Variants in ZNF565 observed in about 807,000 individuals in gnomAD.
ZNF565 encodes the protein zinc finger protein 565.
ZNF565 carries 27 observed loss-of-function variants against 39.4 expected under a neutral mutation model. That is an observed-to-expected ratio of 0.69 (90% CI 0.51 to 0.95). The LOEUF is 0.95. Among genes scored for constraint, ZNF565 ranks in the 40% least tolerant of loss-of-function variants. The probability of loss-of-function intolerance (pLI) is 0.00; values close to 1 mark genes in which losing one functional copy is unlikely to be tolerated. For missense variants in ZNF565, 524 were observed against 621.1 expected (o/e 0.84, Z 1.66); for synonymous variants, 185 against 216.6 (o/e 0.85, Z 1.28).
intron 1 of ZNF565, chr19:36,238,791 T>G (rs1345965571): frequency 6.0e-6 from 1 of 166,910 alleles, no homozygotes. Flanking sequence ...TTAATTATTT[T>G]AACATGGCAT....
chr19:36,183,741 A>G lies in ZNF565; in HGVS notation c.233-8T>C. Reference sequence around the variant, plus strand: ...CACACCTGGACTCCAAGTCTGAAAAATAAGAAAAAGATAAATACAAGCTGT... The same window carrying G: ...CACACCTGGACTCCAAGTCTGAAAAGTAAGAAAAAGATAAATACAAGCTGT... On this transcript the variant is annotated splice_region_variant and splice_polypyrimidine_tract_variant and intron_variant, in intron 4 of 4. Transcript: ENST00000304116. 1.3e-6 allele frequency: 2 copies of G among 1,596,504 alleles called. No homozygotes were observed. The highest frequency in any genetic ancestry group is 1.8e-5 in the Admixed American group (1 of 55,284).
chr19:36,189,504 T>C (rs1599916587), intron 4 of ZNF565, among the ~76,000 whole-genome samples: 3 of 151,112 alleles, frequency 2.0e-5, no homozygotes, highest in East Asian at 2.0e-4. Flanking sequence ...GTACTTTTCA[T>C]AGAGATGGGG....
chr19:36,189,669 A>G (rs1975454581), intron 4 of ZNF565, among the ~76,000 whole-genome samples: 1 of 152,116 alleles, frequency 6.6e-6, no homozygotes, highest in African/African-American at 2.4e-5. Context: ...TCTAATAAAT[A>G]AAAGATTATT....
intron 2 of ZNF565, among the ~76,000 whole-genome samples, chr19:36,195,389 C>T (rs1361895512): frequency 5.3e-5 from 8 of 151,890 alleles, no homozygotes; most frequent in Non-Finnish European, 1.2e-4. Context: ...TAATACTTCA[C>T]CCACAGATAC....
chr19:36,237,431 A>C, intron 1 of ZNF565: 1 of 1,358,312 alleles, frequency 7.4e-7, no homozygotes, highest in East Asian at 2.5e-5. Context: ...GTTAACTTTA[A>C]CAAGTACTAA....
At chr19:36,202,409 A>AAC (rs1801777810) in intron 1 of ZNF565, among the ~76,000 whole-genome samples, 1 of 150,794 alleles carries the variant, frequency 6.6e-6, no homozygotes, top group African/African-American at 2.4e-5. Context: ...ACAACAACAA[A>AAC]AAAAAACTGC....
chr19:36,188,721 A>C (rs980493459), intron 4 of ZNF565, among the ~76,000 whole-genome samples: 4 of 151,916 alleles, frequency 2.6e-5, no homozygotes, highest in Non-Finnish European at 4.4e-5. Flanking sequence ...CAAAAAAAAA[A>C]AAAAACAAAA....
chr19:36,191,027 T>C (rs1485700400), intron 4 of ZNF565, among the ~76,000 whole-genome samples: 1 of 149,556 alleles, frequency 6.7e-6, no homozygotes, highest in Non-Finnish European at 1.5e-5. Context: ...AAAACAAACT[T>C]TTTCTGTGAA....
At chr19:36,223,536 C>T (rs944093181) in intron 1 of ZNF565, among the ~76,000 whole-genome samples, 7 of 151,700 alleles carry the variant, frequency 4.6e-5, no homozygotes, top group African/African-American at 1.2e-4. Flanking sequence ...TTAATTTTTT[C>T]GTATTTTTAG....
intron 1 of ZNF565, among the ~76,000 whole-genome samples, chr19:36,220,306 ACTTTAAATGGTATAGT>A: frequency 1.4e-5 from 2 of 146,504 alleles, no homozygotes; most frequent in Non-Finnish European, 1.5e-5. Context: ...TTTCTAATTC[ACTTTAAATGGTATAGT>A]ATTTTTACCT....
intron 4 of ZNF565, among the ~76,000 whole-genome samples, chr19:36,193,606 A>G (rs532339132): frequency 9.3e-5 from 14 of 150,812 alleles, no homozygotes; most frequent in Non-Finnish European, 1.9e-4. Context: ...ACACCCGGCT[A>G]ATTTTTTTGT....
intron 1 of ZNF565, chr19:36,236,739 T>C (rs1159660983): frequency 6.2e-7 from 1 of 1,613,908 alleles, no homozygotes; most frequent in East Asian, 2.2e-5. Flanking sequence ...GAAAAACCTT[T>C]TGAGTGTAAA....
chr19:36,201,493 TAGAC>T (rs963630533), intron 2 of ZNF565, among the ~76,000 whole-genome samples: 5 of 149,956 alleles, frequency 3.3e-5, no homozygotes, highest in Non-Finnish European at 6.0e-5. Flanking sequence ...TTTATTTATT[TAGAC>T]AGAGTCTCGC....
At chr19:36,195,253 C>G in intron 2 of ZNF565, 97 bp from the exon 3 acceptor site, 7 of 1,432,134 alleles carry the variant, frequency 4.9e-6, no homozygotes, top group Non-Finnish European at 6.7e-6. Context: ...GAATAGTTGA[C>G]AGTAATGGCC....
At chr19:36,194,168 T>C in intron 4 of ZNF565, 65 bp downstream of exon 4, 1 of 1,380,358 alleles carries the variant, frequency 7.2e-7, no homozygotes, top group Non-Finnish European at 1.0e-6. Flanking sequence ...CCACAGTAAC[T>C]CAAGTTACTC....
chr19:36,223,385 T>C (rs1389535447), intron 1 of ZNF565, among the ~76,000 whole-genome samples: 2 of 151,954 alleles, frequency 1.3e-5, no homozygotes, highest in African/African-American at 4.8e-5. Flanking sequence ...CTTTTTGAGA[T>C]GGAGTATCTC....
intron 1 of ZNF565, among the ~76,000 whole-genome samples, chr19:36,241,768 G>T (rs141525121): frequency 2.3e-3 from 295 of 126,594 alleles, no homozygotes; most frequent in African/African-American, 8.9e-3. Context: ...CTCCAGCCTG[G>T]CAAGAAGAGT....
chr19:36,227,389 CAAA>C (rs35503795), intron 1 of ZNF565, among the ~76,000 whole-genome samples: 7 of 106,834 alleles, frequency 6.6e-5, no homozygotes, highest in East Asian at 2.8e-4. Context: ...GTCTCTGTCA[CAAA>C]AAAAAAAAAA....
chr19:36,211,279 C>T (rs886119231), intron 1 of ZNF565, among the ~76,000 whole-genome samples: 3 of 151,548 alleles, frequency 2.0e-5, no homozygotes. Context: ...CCCATCTCTA[C>T]TAAAAATACA....
Sources: gnomAD v4.1 joint callset for allele counts (sites outside exome capture counted in the v4.1 genomes callset) on GRCh38, gnomAD v4.1.1 for gene constraint, MANE v1.5 for transcripts, NCBI Gene and HGNC (gene_info 2026-07-23, HGNC 2026-07-21) for gene names.